Variants in CCNL1 observed in about 807,000 individuals in gnomAD.
The protein encoded by CCNL1 is cyclin-L1.
CCNL1 carries 13 observed loss-of-function variants against 60.6 expected under a neutral mutation model. The observed-to-expected ratio is 0.21, with a 90% CI of 0.14 to 0.34. The LOEUF is 0.34. Among genes scored for constraint, CCNL1 ranks in the 10% least tolerant of loss-of-function variants. The pLI is 1.00. For synonymous variants in CCNL1, 270 were observed against 244.3 expected (o/e 1.10, Z -0.98); for missense variants, 481 against 664.3 (o/e 0.72, Z 3.03).
At chr3:157,157,032 A>C in intron 3 of CCNL1, 2 of 1,289,836 alleles carry the variant, frequency 1.6e-6, no homozygotes, top group Non-Finnish European at 2.0e-6. Context: ...CGACAGCTTC[A>C]TCTCTATGTA....
chr3:157,156,936 C>A, intron 3 of CCNL1: 1 of 1,289,688 alleles, frequency 7.8e-7, no homozygotes, highest in Non-Finnish European at 1.0e-6. Flanking sequence ...AGTGGCCAAC[C>A]TGTTAGTCCC....
intron 5 of CCNL1, chr3:157,151,193 T>C (rs1167930347): frequency 2.0e-6 from 2 of 985,096 alleles, no homozygotes; most frequent in Admixed American, 6.1e-5. Context: ...TAATGAGACT[T>C]TTCTAACATT....
chr3:157,159,390 C>T lies in CCNL1; in HGVS notation c.378+15G>A, dbSNP rs774097181. The T allele has an allele frequency of 5.0e-6, 8 of 1,613,442 alleles. No homozygotes were observed. Among genetic ancestry groups the T allele is most frequent in the Admixed American group, 3.3e-5 (2 of 59,982 alleles). ...GGATGAAGAAATCCCTTTTACCCGC[C>T]TCCGCTGTGCTTACCTCGAAACTGT... is the stretch of plus-strand genomic sequence containing the variant. On this transcript the variant is annotated intron_variant, in intron 2 of 10. Coordinates refer to ENST00000295926, the MANE Select transcript of CCNL1 (RefSeq NM_020307.4).
Position 157,158,862 on chromosome 3 carries a change from T to A in CCNL1, c.488+4A>T. 6.3e-7 allele frequency: 1 copy of A among 1,580,458 alleles called. No homozygotes were observed. Among genetic ancestry groups the A allele is most frequent in the Non-Finnish European group, 8.7e-7 (1 of 1,150,316 alleles). ...GATACTATGTTCAATAATGCCAATCTTACCTTTTTCCTCTTAACTGGCGGA... is the reference window on the plus strand; with the variant it reads ...GATACTATGTTCAATAATGCCAATCATACCTTTTTCCTCTTAACTGGCGGA... On this transcript the variant is annotated splice_donor_region_variant and intron_variant, in intron 3 of 10. Transcript: ENST00000295926.
chr3:157,159,554 G>T (rs932575959), intron 1 of CCNL1, 75 bp from the exon 2 acceptor site: 1 of 1,386,058 alleles, frequency 7.2e-7, no homozygotes, highest in South Asian at 1.2e-5. Context: ...ATTTTGTGCC[G>T]CCGATCGCTT....
chr3:157,149,241 TA>T (rs780396320), intron 10 of CCNL1, 45 bp downstream of exon 10: 2 of 1,460,586 alleles, frequency 1.4e-6, no homozygotes, highest in Non-Finnish European at 1.9e-6. Context: ...CAATAACCTT[TA>T]AAAACTCCAA....
rs2108105966 is a variant in CCNL1 at position 157,147,620 on chromosome 3, C to T, written c.*621G>A. Reference sequence around the variant, plus strand: ...GTTGGGCGACTCCCATTTACTTTTTCCATATATACAGTGAAGACTTACAAT... The same window carrying T: ...GTTGGGCGACTCCCATTTACTTTTTTCATATATACAGTGAAGACTTACAAT... On this transcript the variant is annotated 3_prime_UTR_variant, in exon 11 of 11. Transcript: ENST00000295926. 1.0e-6 allele frequency: 1 copy of T among 985,256 alleles called. No individual in the cohort carries two copies. The highest frequency in any genetic ancestry group is 4.7e-5 in the South Asian group (1 of 21,288). The allele number at this position is 985,256 out of a possible 1,614,324, so 61.0% of individuals were successfully genotyped here.
chr3:157,143,582 C>T (rs1737704216), downstream of CCNL1, among the ~76,000 whole-genome samples: 1 of 152,178 alleles, frequency 6.6e-6, no homozygotes, highest in South Asian at 2.1e-4. Flanking sequence ...TACGAGCTTA[C>T]ATTCTAATGA....
At chr3:157,145,295 G>C (rs752910146), downstream of CCNL1, among the ~76,000 whole-genome samples, 4 of 151,846 alleles carry the variant, frequency 2.6e-5, no homozygotes, top group Non-Finnish European at 5.9e-5. Flanking sequence ...AAATTAGCCA[G>C]GGCGTGGTGG....
Position 157,148,606 on chromosome 3 carries a change from T to C in CCNL1, c.1233-17A>G, listed in dbSNP as rs1737923172. The C allele has an allele frequency of 6.4e-7, 1 of 1,565,360 alleles. No individual in the cohort carries two copies. Among genetic ancestry groups the C allele is most frequent in the South Asian group, 1.2e-5 (1 of 83,056 alleles). On this transcript the variant is annotated splice_polypyrimidine_tract_variant and intron_variant, in intron 10 of 10. Transcript: ENST00000295926. Reference sequence around the variant, plus strand: ...TTATTATAGCTTAGATAATAAAAATTTGAAGTTTAGGTTCAGTTTCTATGG... The same window carrying C: ...TTATTATAGCTTAGATAATAAAAATCTGAAGTTTAGGTTCAGTTTCTATGG...
rs1478978921 is a variant in CCNL1, at chr3:157,150,049, A to G, written c.879+16T>C. The G allele has an allele frequency of 6.2e-7, 1 of 1,607,872 alleles. No individual in the cohort carries two copies. The highest frequency in any genetic ancestry group is 8.5e-7 in the Non-Finnish European group (1 of 1,178,148). On this transcript the variant is annotated intron_variant, in intron 7 of 10. Coordinates refer to ENST00000295926, the MANE Select transcript of CCNL1 (RefSeq NM_020307.4). ...GACTCTTAGCATGTTGGCACAAACG[A>G]GTAAATAGAGAATACCTTTTTTCTG...
At chr3:157,151,684 T>C in intron 5 of CCNL1, 1 of 992,294 alleles carries the variant, frequency 1.0e-6, no homozygotes, top group Non-Finnish European at 1.2e-6. Context: ...TTCATTTTGA[T>C]AGTTACAAGT....
At chr3:157,145,848 A>G (rs1409102539), downstream of CCNL1, among the ~76,000 whole-genome samples, 1 of 152,210 alleles carries the variant, frequency 6.6e-6, no homozygotes, top group African/African-American at 2.4e-5. Context: ...GAGACAAAAA[A>G]TTCTTCAGGA....
downstream of CCNL1, among the ~76,000 whole-genome samples, chr3:157,145,437 CAAAAAA>C (rs56894231): frequency 5.8e-4 from 14 of 24,268 alleles, no homozygotes; most frequent in Middle Eastern, 0.031. Flanking sequence ...GACTTCATCT[CAAAAAA>C]AAAAAAAAAA....
chr3:157,146,649 T>A (rs779819940), downstream of CCNL1: 2 of 386,772 alleles, frequency 5.2e-6, no homozygotes, highest in Non-Finnish European at 1.0e-5. Flanking sequence ...AAATCAACAT[T>A]AATTTGCTAA....
At chr3:157,151,673 A>G (rs1738207743) in intron 5 of CCNL1, 1 of 989,696 alleles carries the variant, frequency 1.0e-6, no homozygotes, top group Non-Finnish European at 1.2e-6. Context: ...AAAATGAACT[A>G]TTCATTTTGA....
chr3:157,151,300 A>C, intron 5 of CCNL1: 1 of 985,708 alleles, frequency 1.0e-6, no homozygotes. Flanking sequence ...TAAGTCCTTC[A>C]CATCAATAGT....
At chr3:157,154,121 A>G (rs1024036989) in intron 3 of CCNL1, 1 of 152,256 alleles carries the variant, frequency 6.6e-6, no homozygotes, top group Non-Finnish European at 1.5e-5. Context: ...CTTTAAAAGT[A>G]GCACATTCAA....
At chr3:157,145,437 C>CAAAAAAAAA (rs56894231), downstream of CCNL1, among the ~76,000 whole-genome samples, 39 of 24,262 alleles carry the variant, frequency 1.6e-3, 2 homozygotes, top group Admixed American at 3.2e-3. Context: ...GACTTCATCT[C>CAAAAAAAAA]AAAAAAAAAA....
Sources: allele counts gnomAD v4.1 joint callset (sites outside exome capture counted in the v4.1 genomes callset), GRCh38; gene constraint gnomAD v4.1.1; transcripts MANE v1.5; gene names NCBI Gene and HGNC (gene_info 2026-07-23, HGNC 2026-07-21).